SLC27A2: variants seen among roughly 807,000 people sequenced by gnomAD.
The protein encoded by SLC27A2 is solute carrier family 27 member 2.
Under a neutral mutation model 60.0 loss-of-function variants are expected in SLC27A2, and 54 were observed. That is an observed-to-expected ratio of 0.90 (90% CI 0.72 to 1.13). SLC27A2 has a LOEUF of 1.13. SLC27A2 is among the 50% of genes most tolerant of loss of function. The pLI is 0.00. For missense variants in SLC27A2, 739 were observed against 777.6 expected (o/e 0.95, Z 0.59); for synonymous variants, 297 against 297.6 (o/e 1.00, Z 0.02).
intron 1 of SLC27A2, among the ~76,000 whole-genome samples, chr15:50,189,786 A>C (rs1461158720): frequency 6.6e-6 from 1 of 152,222 alleles, no homozygotes; most frequent in African/African-American, 2.4e-5. Flanking sequence ...GAAGTAGATC[A>C]TTGGTAGAAA....
At chr15:50,194,221 G>A (rs1187658355) in intron 1 of SLC27A2, among the ~76,000 whole-genome samples, 2 of 152,110 alleles carry the variant, frequency 1.3e-5, no homozygotes, top group Non-Finnish European at 2.9e-5. Flanking sequence ...GGGCTCCTAT[G>A]GGAGCTGTAG....
Position 50,229,056 on chromosome 15 carries a change from A to C in SLC27A2, c.1555+14A>C. On this transcript the variant is annotated intron_variant, in intron 8 of 9. Coordinates refer to ENST00000267842, the MANE Select transcript of SLC27A2 (RefSeq NM_003645.4). ...TGCATGTGCCAGGTATATACAAGAT[A>C]TGATCTGTACCTAACCCATAGAGTA... The C allele has an allele frequency of 6.7e-7, 1 of 1,496,170 alleles. No individual in the cohort carries two copies. 92.7% of individuals were successfully genotyped at this position (1,496,170 alleles called of 1,614,324 possible). A position where few individuals can be genotyped will look rare whatever the true frequency, so the allele number is the denominator to read the frequency against.
chr15:50,196,080 AT>A (rs1567428416), intron 1 of SLC27A2, among the ~76,000 whole-genome samples: 3 of 7,810 alleles, frequency 3.8e-4, no homozygotes, highest in Admixed American at 2.2e-3. Context: ...AAAAAAAAAT[AT>A]ATATATATAT....
At position 50,225,983 on chromosome 15, in the gene SLC27A2, G is replaced by T. The variant is rs1392987052; in HGVS notation, c.1168-5G>T. The T allele has an allele frequency of 6.5e-7, 1 of 1,544,518 alleles. No individual in the cohort carries two copies. Among genetic ancestry groups the T allele is most frequent in the Admixed American group, 1.7e-5 (1 of 58,280 alleles). On this transcript the variant is annotated splice_region_variant and splice_polypyrimidine_tract_variant and intron_variant, in intron 5 of 9. Coordinates refer to ENST00000267842, the MANE Select transcript of SLC27A2 (RefSeq NM_003645.4). ...TTATACTCAAAATTATTTTAATCTT[G>T]CTAGAAAATCATAACTTATGACCTG...
chr15:50,216,610 G>GTGTGTGTGTGTGTGTATATATATA (rs1323910367), intron 4 of SLC27A2, among the ~76,000 whole-genome samples: 2 of 66,486 alleles, frequency 3.0e-5, no homozygotes, highest in Non-Finnish European at 5.9e-5. Flanking sequence ...GTGTGTGTGT[G>GTGTGTGTGTGTGTGTATATATATA]TATATATATA....
chr15:50,209,399 C>T (rs2045137449), intron 4 of SLC27A2, among the ~76,000 whole-genome samples: 1 of 152,020 alleles, frequency 6.6e-6, no homozygotes, highest in African/African-American at 2.4e-5. Flanking sequence ...GGAAGGTTCG[C>T]CAGGGAAGGT....
chr15:50,227,257 T>A, intron 7 of SLC27A2, 79 bp downstream of exon 7: 5 of 1,067,428 alleles, frequency 4.7e-6, no homozygotes, highest in Non-Finnish European at 5.7e-6. Context: ...GCATTCCACT[T>A]TGGTTATGGT....
At position 50,202,542 on chromosome 15, in the gene SLC27A2, C is replaced by A; in HGVS notation, c.744C>A (p.Leu248=). The change falls in exon 3 of 10, where the codon CTC becomes CTA. Residue 248 remains leucine (L), a synonymous_variant. Coordinates refer to ENST00000267842, the MANE Select transcript of SLC27A2 (RefSeq NM_003645.4). ...THQRIWYGTG[L]TFVSGLKADD... ...AGCGCATATGGTATGGAACTGGCCT[C>A]ACTTTTGTAAGCGGATTGAAGGCAG... The A allele has an allele frequency of 1.2e-6, 2 of 1,614,184 alleles. No individual in the cohort carries two copies. The highest frequency in any genetic ancestry group is 1.7e-6 in the Non-Finnish European group (2 of 1,180,010).
intron 1 of SLC27A2, among the ~76,000 whole-genome samples, chr15:50,187,416 G>A (rs992523218): frequency 1.3e-5 from 2 of 152,186 alleles, no homozygotes; most frequent in African/African-American, 4.8e-5. Flanking sequence ...CACACAATAT[G>A]GGATATTTTA....
chr15:50,193,488 G>A (rs970795644), intron 1 of SLC27A2, among the ~76,000 whole-genome samples: 4 of 152,140 alleles, frequency 2.6e-5, no homozygotes, highest in African/African-American at 4.8e-5. Flanking sequence ...ACTTATGAAC[G>A]GATTGTTTGA....
chr15:50,194,065 G>C (rs1277138260), intron 1 of SLC27A2, among the ~76,000 whole-genome samples: 3 of 152,070 alleles, frequency 2.0e-5, no homozygotes. Context: ...AAAATCACTT[G>C]AGCCCAGGAG....
chr15:50,227,330 T>G, intron 7 of SLC27A2, 152 bp downstream of exon 7: 1 of 638,514 alleles, frequency 1.6e-6, no homozygotes, highest in Non-Finnish European at 2.8e-6. Flanking sequence ...GAATGAGGAA[T>G]GAAGTGCATG....
chr15:50,229,671 A>G (rs1172856036), intron 8 of SLC27A2, among the ~76,000 whole-genome samples: 1 of 152,220 alleles, frequency 6.6e-6, no homozygotes, highest in African/African-American at 2.4e-5. Flanking sequence ...AAGCTTGTCA[A>G]GAGAACAAAT....
At chr15:50,189,548 C>T (rs942942048) in intron 1 of SLC27A2, among the ~76,000 whole-genome samples, 1 of 152,218 alleles carries the variant, frequency 6.6e-6, no homozygotes, top group Non-Finnish European at 1.5e-5. Flanking sequence ...TTAACTAAAG[C>T]TTGCAAAGGA....
At chr15:50,204,851 A>G (rs980371232) in intron 3 of SLC27A2, among the ~76,000 whole-genome samples, 1 of 147,696 alleles carries the variant, frequency 6.8e-6, no homozygotes, top group African/African-American at 2.5e-5. Flanking sequence ...ATATATATGT[A>G]TGTGTGTATA....
chr15:50,196,066 A>AATAAAAAAAAAAAATAAAT (rs1567428304), intron 1 of SLC27A2, among the ~76,000 whole-genome samples: 1 of 23,772 alleles, frequency 4.2e-5, no homozygotes, highest in Admixed American at 5.7e-4. Context: ...AAAAAAAAAA[A>AATAAAAAAAAAAAATAAAT]AAAAAAAAAA....
At chr15:50,200,410 T>C (rs1410824179) in intron 2 of SLC27A2, among the ~76,000 whole-genome samples, 1 of 106,638 alleles carries the variant, frequency 9.4e-6, no homozygotes. Context: ...AGTGAAAGCC[T>C]ATCTCAAAAA....
chr15:50,188,979 ATAAATAG>A (rs2044949343), intron 1 of SLC27A2, among the ~76,000 whole-genome samples: 1 of 115,254 alleles, frequency 8.7e-6, no homozygotes, highest in Non-Finnish European at 1.8e-5. Flanking sequence ...AGATAGATAG[ATAAATAG>A]ATAGATAGAT....
At chr15:50,205,954 G>C (rs1055768603) in intron 4 of SLC27A2, among the ~76,000 whole-genome samples, 2 of 152,088 alleles carry the variant, frequency 1.3e-5, no homozygotes, top group Non-Finnish European at 2.9e-5. Flanking sequence ...CTGTCACCAA[G>C]CTGGGAACAG....
Sources: gnomAD v4.1 joint callset for allele counts (sites outside exome capture counted in the v4.1 genomes callset) on GRCh38, gnomAD v4.1.1 for gene constraint, MANE v1.5 for transcripts, NCBI Gene and HGNC (gene_info 2026-07-23, HGNC 2026-07-21) for gene names.